Variants in DNAH5 observed in about 807,000 individuals in gnomAD.
DNAH5 encodes the protein axonemal beta dynein heavy chain 5.
Under a neutral mutation model 518.2 loss-of-function variants are expected in DNAH5, and 372 were observed. That is an observed-to-expected ratio of 0.72 (90% CI 0.66 to 0.78). The LOEUF (loss-of-function observed/expected upper bound fraction) is 0.78. Ranked by LOEUF, DNAH5 falls within the 30% of genes least tolerant of loss-of-function variation. DNAH5 has a pLI of 0.00. For synonymous variants in DNAH5, 2,039 were observed against 2,025.9 expected, an observed-to-expected ratio of 1.01 and a Z score of -0.17; for missense variants, 5,523 against 5,687.0, an observed-to-expected ratio of 0.97 and a Z score of 0.93.
chr5:13,725,611 G>A (rs910641896), intron 70 of DNAH5, among the ~76,000 whole-genome samples: 1 of 152,114 alleles, frequency 6.6e-6, no homozygotes. Context: ...TTCAATGGGG[G>A]AGAAAATGAA....
chr5:13,718,891 T>C lies in DNAH5; in HGVS notation c.12490A>G (p.Thr4164Ala), dbSNP rs753204839. Reference sequence around the variant, plus strand: ...GTATTTCTGGACTCACCACTATATGTTCTTTTCAGTCCTGCCCGGAGTCCT... The same window carrying C: ...GTATTTCTGGACTCACCACTATATGCTCTTTTCAGTCCTGCCCGGAGTCCT... ...PQGLRAGLKR[T>A]YSGVSQDLLD... The change falls in exon 72 of 79, where the codon ACA becomes GCA. Residue 4164 changes from threonine to alanine, a missense_variant. Physicochemically the swap from Thr to Ala is moderately conservative, Grantham distance 58 (BLOSUM62 0). Transcript: ENST00000265104. 21 of 1,612,622 alleles carry C rather than the reference T, an allele frequency of 1.3e-5. No individual in the cohort carries two copies. The highest frequency in any genetic ancestry group is 6.7e-5 in the Admixed American group (4 of 60,006).
intron 1 of DNAH5, among the ~76,000 whole-genome samples, chr5:13,992,429 C>T (rs762418196): frequency 6.6e-6 from 1 of 152,198 alleles, no homozygotes; most frequent in South Asian, 2.1e-4. Flanking sequence ...TTTTGTATCA[C>T]TTTCTTGTAA....
At chr5:13,916,907 C>A (rs1167526194) in intron 8 of DNAH5, among the ~76,000 whole-genome samples, 1 of 151,976 alleles carries the variant, frequency 6.6e-6, no homozygotes, top group Non-Finnish European at 1.5e-5. Flanking sequence ...TAAAATATAA[C>A]ATCTCATATA....
intron 1 of DNAH5, among the ~76,000 whole-genome samples, chr5:13,931,825 C>T (rs1778456344): frequency 6.6e-6 from 1 of 152,216 alleles, no homozygotes; most frequent in Admixed American, 6.5e-5. Flanking sequence ...CCTATTCAAA[C>T]ATATGCACAC....
chr5:13,933,396 T>A (rs1272337693), intron 1 of DNAH5, among the ~76,000 whole-genome samples: 2 of 152,180 alleles, frequency 1.3e-5, no homozygotes, highest in Non-Finnish European at 2.9e-5. Context: ...AGATATGATT[T>A]TCTAACAAAC....
chr5:13,785,363 C>G (rs1339063409), intron 52 of DNAH5, among the ~76,000 whole-genome samples: 3 of 152,146 alleles, frequency 2.0e-5, no homozygotes, highest in African/African-American at 7.2e-5. Context: ...ACATACTGGT[C>G]TGCGGCCCCG....
chr5:13,911,365 GA>G lies in DNAH5; in HGVS notation c.1644+20del. 6.3e-7 allele frequency: 1 copy of G among 1,582,334 alleles called. No homozygotes were observed. The highest frequency in any genetic ancestry group is 8.7e-7 in the Non-Finnish European group (1 of 1,151,448). On this transcript the variant is annotated intron_variant, in intron 12 of 78. Coordinates refer to ENST00000265104, the MANE Select transcript of DNAH5 (RefSeq NM_001369.3). ...AAAATAAACACACGACTGTCAACAG[GA>G]ATTTTATTATACAACCTACATGAAG...
intron 40 of DNAH5, among the ~76,000 whole-genome samples, 155 bp downstream of exon 40, chr5:13,823,108 G>A (rs1397322944): frequency 2.0e-5 from 3 of 152,212 alleles, no homozygotes; most frequent in Non-Finnish European, 4.4e-5. Context: ...GACTCGTGGT[G>A]TGCATTGGCC....
At chr5:13,892,891 A>G (rs972218067) in intron 16 of DNAH5, among the ~76,000 whole-genome samples, 1 of 152,198 alleles carries the variant, frequency 6.6e-6, no homozygotes, top group Admixed American at 6.5e-5. Context: ...TCTTACATCT[A>G]TGTAACATTA....
At chr5:13,806,315 T>C (rs1427707983) in intron 47 of DNAH5, among the ~76,000 whole-genome samples, 1 of 152,154 alleles carries the variant, frequency 6.6e-6, no homozygotes, top group African/African-American at 2.4e-5. Flanking sequence ...AGACACTATA[T>C]GAATGGTATT....
At position 13,865,693 on chromosome 5, in the gene DNAH5, T is replaced by G; in HGVS notation, c.4330A>C (p.Asn1444His). The G allele has an allele frequency of 6.3e-7, 1 of 1,587,536 alleles. No individual in the cohort carries two copies. The highest frequency in any genetic ancestry group is 8.7e-7 in the Non-Finnish European group (1 of 1,155,844). Residue 1444 changes from asparagine to histidine, a missense_variant, in exon 27 of 79, where the codon AAT becomes CAT. Around this residue, in one of 3 missense-constraint regions of DNAH5, gnomAD observed 5,121 missense variants for 5,223.3 expected, o/e 0.98. Coordinates refer to ENST00000265104, the MANE Select transcript of DNAH5 (RefSeq NM_001369.3). Reference protein sequence around the residue: ...WSEVNIEKINNELLEFQNRCR... With the variant: ...WSEVNIEKINHELLEFQNRCR... ...CTGTTCTGGAATTCTAAGAGTTCAT[T>G]GTTAATTTTTTCAATATTCACCTCT...
chr5:13,872,296 C>A (rs192324650), intron 22 of DNAH5, among the ~76,000 whole-genome samples: 1 of 152,030 alleles, frequency 6.6e-6, no homozygotes, highest in Non-Finnish European at 1.5e-5. Context: ...CAGAAAATAG[C>A]GAGCATCACT....
chr5:13,742,933 A>G (rs1748810324), intron 65 of DNAH5, among the ~76,000 whole-genome samples: 1 of 152,068 alleles, frequency 6.6e-6, no homozygotes, highest in Admixed American at 6.6e-5. Context: ...AAAAAATAGA[A>G]CAATTGTTGC....
At chr5:14,004,944 C>T (rs992441395) in intron 1 of DNAH5, among the ~76,000 whole-genome samples, 4 of 152,066 alleles carry the variant, frequency 2.6e-5, no homozygotes, top group Non-Finnish European at 5.9e-5. Flanking sequence ...CCATCGTGTC[C>T]CAAACCATCC....
intron 78 of DNAH5, among the ~76,000 whole-genome samples, chr5:13,698,580 A>G: frequency 6.6e-6 from 1 of 152,226 alleles, no homozygotes; most frequent in East Asian, 1.9e-4. Context: ...ACAGCACTAT[A>G]ACTAATGCCT....
Position 13,882,811 on chromosome 5 carries a change from T to G in DNAH5, c.3179A>C (p.Lys1060Thr). ...AGCAGCCATTTTTCTTTCTTGTATC[T>G]TTTTCTACAATGTAAAAGGATATTT... is the stretch of plus-strand genomic sequence containing the variant. ...QWSSELLSKK[K>T]IQERKMAALQ... The change falls in exon 21 of 79, where the codon AAG becomes ACG. Residue 1060 changes from lysine to threonine, a missense_variant. Lys to Thr is a moderately conservative substitution (Grantham distance 78). Transcript: ENST00000265104. 1 of 1,613,924 alleles carries G rather than the reference T, an allele frequency of 6.2e-7. No homozygotes were observed. Among genetic ancestry groups the G allele is most frequent in the African/African-American group, 1.3e-5 (1 of 75,060 alleles).
intron 1 of DNAH5, among the ~76,000 whole-genome samples, chr5:13,984,871 A>G (rs1444144372): frequency 1.3e-5 from 2 of 152,142 alleles, no homozygotes; most frequent in African/African-American, 2.4e-5. Flanking sequence ...ACAGTGTGGC[A>G]ATTCCTCAGG....
At chr5:13,803,462 A>C (rs531271172) in intron 47 of DNAH5, among the ~76,000 whole-genome samples, 1 of 152,334 alleles carries the variant, frequency 6.6e-6, no homozygotes, top group Non-Finnish European at 1.5e-5. Flanking sequence ...TAGATAAAGA[A>C]AGGCCATTGG....
At chr5:13,884,665 T>C (rs1580737919) in intron 19 of DNAH5, among the ~76,000 whole-genome samples, 1 of 152,288 alleles carries the variant, frequency 6.6e-6, no homozygotes, top group South Asian at 2.1e-4. Context: ...AGTGAAACCC[T>C]GTCTCTACTA....
Sources: gnomAD v4.1 joint callset for allele counts (sites outside exome capture counted in the v4.1 genomes callset) on GRCh38, gnomAD v4.1.1 for gene constraint, gnomAD v4.1.1 regional missense constraint, MANE v1.5 for transcripts, NCBI Gene and HGNC (gene_info 2026-07-23, HGNC 2026-07-21) for gene names.